The following CCDC85C variants were observed in gnomAD, a reference collection of about 807,000 sequenced individuals.
CCDC85C encodes the protein coiled-coil domain containing 85C.
CCDC85C carries 18 observed loss-of-function variants against 38.3 expected under a neutral mutation model. The ratio of observed to expected loss-of-function variants is 0.47; its 90% CI spans 0.33 to 0.70. The LOEUF is 0.70. Among genes scored for constraint, CCDC85C ranks in the 30% least tolerant of loss-of-function variants. The probability of loss-of-function intolerance (pLI) is 0.03; values close to 1 mark genes in which losing one functional copy is unlikely to be tolerated. For synonymous variants in CCDC85C, 264 were observed against 293.8 expected (o/e 0.90, Z 1.04); for missense variants, 566 against 621.2 (o/e 0.91, Z 0.94).
In CCDC85C at chr14:99,598,323, C is replaced by T. The variant is rs565468190; in HGVS notation, c.793+4844G>A. ...CAACAAGCATGGATTGGAAAATCCC[C>T]ACCGGCGGAAAACAGATTAGGAGCA... On this transcript the variant is annotated intron_variant, in intron 1 of 5. Coordinates refer to ENST00000380243, the MANE Select transcript of CCDC85C (RefSeq NM_001144995.2). Among the ~76,000 whole-genome samples, 240 of 152,378 alleles carry T rather than the reference C, an allele frequency of 1.6e-3. 2 individuals carry two copies. Among genetic ancestry groups the T allele is most frequent in the Non-Finnish European group, 3.1e-3 (209 of 68,040 alleles).
In CCDC85C at chr14:99,516,240, C is replaced by G. The variant is rs1338169159; in HGVS notation, c.1118G>C (p.Cys373Ser). Residue 373 changes from cysteine (C) to serine (S), a missense_variant, in exon 5 of 6, where the codon TGT becomes TCT. Cys to Ser is a moderately radical substitution (Grantham distance 112, BLOSUM62 -1). Coordinates refer to ENST00000380243, the MANE Select transcript of CCDC85C (RefSeq NM_001144995.2). The surrounding 1 kb of genome is among the most constrained non-coding windows in gnomAD (Gnocchi z 5.5). Reference protein sequence around the residue: ...ENLDRQLQDSCEEDLSEKEKA... With the variant: ...ENLDRQLQDSSEEDLSEKEKA... ...CTCCTTCTCACTCAGGTCCTCCTCA[C>G]AGCTGTCCTGGAGCTGCCGGTCCAG... 2.6e-6 allele frequency: 4 copies of G among 1,551,230 alleles called. No individual in the cohort carries two copies. The African/African-American group carries it at 4.1e-5, about 16-fold the overall frequency.
intron 1 of CCDC85C, among the ~76,000 whole-genome samples, chr14:99,590,317 G>A (rs8003488): frequency 0.98 from 148,810 of 152,316 alleles, 72,777 homozygotes; most frequent in East Asian, 1. Flanking sequence ...GCGCTGTTCC[G>A]TCCAACCTGT....
intron 1 of CCDC85C, among the ~76,000 whole-genome samples, chr14:99,597,527 C>T (rs917435874): frequency 2.0e-5 from 3 of 152,142 alleles, no homozygotes; most frequent in South Asian, 2.1e-4. Flanking sequence ...CCTGACACAG[C>T]GCTCCCCAGC....
At position 99,522,251 on chromosome 14, in the gene CCDC85C, G is replaced by A; in HGVS notation, c.868-11C>T. 6.5e-7 allele frequency: 1 copy of A among 1,540,168 alleles called. No individual in the cohort carries two copies. Among genetic ancestry groups the A allele is most frequent in the Non-Finnish European group, 8.8e-7 (1 of 1,141,822 alleles). On this transcript the variant is annotated splice_polypyrimidine_tract_variant and intron_variant, in intron 2 of 5. Coordinates refer to ENST00000380243, the MANE Select transcript of CCDC85C (RefSeq NM_001144995.2). ...TCCGGAGCCTGCCTGCTGCAGGGGA[G>A]AGAAGGAGAGGGGTTAGACGGAGGG...
At chr14:99,566,241 T>C (rs1229578089) in intron 1 of CCDC85C, among the ~76,000 whole-genome samples, 1 of 152,238 alleles carries the variant, frequency 6.6e-6, no homozygotes, top group Non-Finnish European at 1.5e-5. Flanking sequence ...TGCCAATGTC[T>C]TGTTGGCATT....
chr14:99,502,027 A>G lies in CCDC85C; in HGVS notation c.*13219T>C, dbSNP rs2139871035. 2 of 602,290 alleles carry G rather than the reference A, an allele frequency of 3.3e-6. No individual in the cohort carries two copies. Among genetic ancestry groups the G allele is most frequent in the South Asian group, 3.4e-5 (1 of 29,712 alleles). The allele number at this position is 602,290 out of a possible 1,614,324, so 37.3% of individuals were successfully genotyped here. On this transcript the variant is annotated 3_prime_UTR_variant, in exon 6 of 6. Transcript: ENST00000380243. ...AATAGAGAAATTACTAACTATGGTT[A>G]AAGTAACTTAGTCGGGTACCTTTAG...
At chr14:99,534,976 T>C in intron 2 of CCDC85C, 1 of 490,076 alleles carries the variant, frequency 2.0e-6, no homozygotes, top group South Asian at 2.3e-5. Flanking sequence ...TGCACTCTGC[T>C]AATCCCACCA....
intron 1 of CCDC85C, among the ~76,000 whole-genome samples, chr14:99,557,948 C>G (rs971878564): frequency 5.3e-5 from 8 of 152,104 alleles, no homozygotes; most frequent in Admixed American, 3.9e-4. Context: ...GAAACAATCA[C>G]TATTTTAGTC....
chr14:99,540,128 CAG>C (rs2139924093), intron 1 of CCDC85C, among the ~76,000 whole-genome samples: 1 of 150,008 alleles, frequency 6.7e-6, no homozygotes, highest in South Asian at 2.2e-4. Flanking sequence ...AGATGGGCGA[CAG>C]AGCGAGACTG....
chr14:99,516,389 T>G lies in CCDC85C; in HGVS notation c.1072-103A>C, dbSNP rs528814485. The G allele has an allele frequency of 1.2e-6, 1 of 817,196 alleles. No individual in the cohort carries two copies. Among genetic ancestry groups the G allele is most frequent in the Non-Finnish European group, 2.0e-6 (1 of 499,386 alleles). 50.6% of individuals were successfully genotyped at this position (817,196 alleles called of 1,614,324 possible). On this transcript the variant is annotated intron_variant, in intron 4 of 5. Coordinates refer to ENST00000380243, the MANE Select transcript of CCDC85C (RefSeq NM_001144995.2). The surrounding 1 kb of genome is among the most constrained non-coding windows in gnomAD (Gnocchi z 5.5). ...AGCCTCCCCTGCTGCGAACCAAAGC[T>G]GAGGACCCTGAGCCGCTGGGCCCCT...
At chr14:99,566,557 C>T (rs568130736) in intron 1 of CCDC85C, among the ~76,000 whole-genome samples, 16 of 152,138 alleles carry the variant, frequency 1.1e-4, no homozygotes, top group Non-Finnish European at 2.2e-4. Flanking sequence ...CAAGGTCCCT[C>T]GGCTCCCCCA....
In CCDC85C at chr14:99,510,818, G is replaced by C; in HGVS notation, c.*4428C>G. 1.4e-6 allele frequency: 2 copies of C among 1,397,236 alleles called. No individual in the cohort carries two copies. Among genetic ancestry groups the C allele is most frequent in the Non-Finnish European group, 1.9e-6 (2 of 1,074,206 alleles). The allele number at this position is 1,397,236 out of a possible 1,614,324, so 86.6% of individuals were successfully genotyped here. A position where few individuals can be genotyped will look rare whatever the true frequency, so the allele number is the denominator to read the frequency against. On this transcript the variant is annotated 3_prime_UTR_variant, in exon 6 of 6. Coordinates refer to ENST00000380243, the MANE Select transcript of CCDC85C (RefSeq NM_001144995.2). ...TTTTCCCTCTTTGTTTTTTTAACAA[G>C]ATTTTCTAATCGACTTGCAGAGTAG...
In CCDC85C at chr14:99,501,676, G is replaced by A; in HGVS notation, c.*13570C>T. On this transcript the variant is annotated 3_prime_UTR_variant, in exon 6 of 6. Coordinates refer to ENST00000380243, the MANE Select transcript of CCDC85C (RefSeq NM_001144995.2). ...AAACATAAGTCCAAAACAATACACT[G>A]GAGAATTTTGAAAACTAATTACTTA... The A allele has an allele frequency of 2.3e-6, 1 of 427,798 alleles. No individual in the cohort carries two copies. 26.5% of individuals were successfully genotyped at this position (427,798 alleles called of 1,614,324 possible).
chr14:99,604,175 G>C lies in CCDC85C; in HGVS notation c.-216C>G, dbSNP rs937501255. 3.6e-6 allele frequency: 1 copy of C among 280,056 alleles called. No individual in the cohort carries two copies. Among genetic ancestry groups the C allele is most frequent in the Non-Finnish European group, 5.3e-6 (1 of 187,476 alleles). 17.3% of individuals were successfully genotyped at this position (280,056 alleles called of 1,614,324 possible). A position where few individuals can be genotyped will look rare whatever the true frequency, so the allele number is the denominator to read the frequency against. On this transcript the variant is annotated 5_prime_UTR_variant, in exon 1 of 6. Coordinates refer to ENST00000380243, the MANE Select transcript of CCDC85C (RefSeq NM_001144995.2). ...GACGAGCGGAGGCGGCTGCTGCGTC[G>C]GCGGCCGCGGTGCCGGGCGCTCTCA...
chr14:99,580,138 C>A (rs1352084825), intron 1 of CCDC85C: 6 of 455,518 alleles, frequency 1.3e-5, no homozygotes, highest in African/African-American at 1.2e-4. Context: ...GGACAGACAG[C>A]CTGTGCAGGC....
chr14:99,510,751 G>T lies in CCDC85C; in HGVS notation c.*4495C>A, dbSNP rs368703834. ...CCCCCACCCGGCATGCCTCCAGTTG[G>T]GGGGCTGGGGCGGGCAGCCTGGATG... On this transcript the variant is annotated 3_prime_UTR_variant, in exon 6 of 6. Coordinates refer to ENST00000380243, the MANE Select transcript of CCDC85C (RefSeq NM_001144995.2). 4 of 1,456,694 alleles carry T rather than the reference G, an allele frequency of 2.7e-6. No homozygotes were observed. The highest frequency in any genetic ancestry group is 3.6e-6 in the Non-Finnish European group (4 of 1,105,620). 90.2% of individuals were successfully genotyped at this position (1,456,694 alleles called of 1,614,324 possible).
At position 99,510,200 on chromosome 14, in the gene CCDC85C, G is replaced by A. The variant is rs569686067; in HGVS notation, c.*5046C>T. On this transcript the variant is annotated 3_prime_UTR_variant, in exon 6 of 6. Transcript: ENST00000380243. ...CTGCTGCCTTAGGTGAGGCTGAGCC[G>A]CCGGGCCCTGTGGATGCCACTGACC... The A allele has an allele frequency of 3.1e-6, 5 of 1,596,854 alleles. No homozygotes were observed. The highest frequency in any genetic ancestry group is 4.3e-6 in the Non-Finnish European group (5 of 1,174,968).
chr14:99,582,085 T>C (rs2054977799), intron 1 of CCDC85C, among the ~76,000 whole-genome samples: 1 of 152,138 alleles, frequency 6.6e-6, no homozygotes, highest in Non-Finnish European at 1.5e-5. Flanking sequence ...TCACTCAGGA[T>C]CAGCCATCTC....
intron 1 of CCDC85C, among the ~76,000 whole-genome samples, chr14:99,574,563 A>T (rs1456089266): frequency 6.6e-6 from 1 of 152,070 alleles, no homozygotes; most frequent in Non-Finnish European, 1.5e-5. Context: ...GAGGTGGGGA[A>T]CTCCCGGCCT....
Sources: allele counts gnomAD v4.1 joint callset (sites outside exome capture counted in the v4.1 genomes callset), GRCh38; gene constraint gnomAD v4.1.1; non-coding constraint Gnocchi (gnomAD v3.1); transcripts MANE v1.5; gene names NCBI Gene and HGNC (gene_info 2026-07-23, HGNC 2026-07-21).